The following CACNA1E variants were observed in gnomAD, a reference collection of about 807,000 sequenced individuals.
CACNA1E encodes the protein voltage-dependent R-type calcium channel subunit alpha-1E.
In CACNA1E, 40 loss-of-function variants were observed where a neutral mutation model predicts 259.2. That is an observed-to-expected ratio of 0.15 (90% CI 0.12 to 0.20). The LOEUF is 0.20. CACNA1E is among the 10% of genes least tolerant of loss of function. The pLI, the probability that CACNA1E is intolerant of heterozygous loss-of-function variation, is 1.00. For missense variants in CACNA1E, 1,874 were observed against 3,040.1 expected, an observed-to-expected ratio of 0.62 and a Z score of 9.02; for synonymous variants, 1,104 against 1,138.5, an observed-to-expected ratio of 0.97 and a Z score of 0.61.
rs547707230 is a variant in CACNA1E, at chr1:181,347,518, C to T, written c.-15+29395C>T. ...AGCTCTTGCCCAAAGAGCATCAGGG[C>T]CCCCTCCCTCCATCTCCACCCTGAA... On this transcript the variant is annotated intron_variant, in intron 1 of 11. Transcript: ENST00000524607. 1.2e-3 allele frequency among the ~76,000 whole-genome samples: 188 copies of T among 152,280 alleles called. 1 individual carries two copies. The highest frequency in any genetic ancestry group is 4.3e-3 in the African/African-American group (180 of 41,554).
rs1351835171 is a variant in CACNA1E at position 181,717,178 on chromosome 1, C to T, written c.1401C>T (p.Ile467=). The T allele has an allele frequency of 1.9e-6, 3 of 1,613,998 alleles. No individual in the cohort carries two copies. Among genetic ancestry groups the T allele is most frequent in the Non-Finnish European group, 2.5e-6 (3 of 1,179,838 alleles). ...YFRHKERLLR[I]SIRHMVKSQV... is the part of the protein sequence containing the mutation. The stretch of plus-strand genomic sequence containing the variant: ...GGCACAAGGAAAGGCTTCTGCGCAT[C>T]TCCATTCGCCACATGGTTAAATCCC... The change falls in exon 11 of 48, where the codon ATC becomes ATT. Residue 467 remains isoleucine, a synonymous_variant. Coordinates refer to ENST00000367573, the MANE Select transcript of CACNA1E (RefSeq NM_001205293.3).
chr1:181,771,411 T>C lies in CACNA1E; in HGVS notation c.4973+27T>C, dbSNP rs752889875. 5 of 1,264,102 alleles carry C rather than the reference T, an allele frequency of 4.0e-6. No individual in the cohort carries two copies. In the South Asian group the frequency reaches 6.3e-5, roughly 16 times the overall value. 78.3% of individuals were successfully genotyped at this position (1,264,102 alleles called of 1,614,324 possible). ...TACCTGGATGCGTAACTGTCATAGCTGGGGTTCTCCTGATGGAGGGAGAGA... is the reference window on the plus strand; with the variant it reads ...TACCTGGATGCGTAACTGTCATAGCCGGGGTTCTCCTGATGGAGGGAGAGA... On this transcript the variant is annotated intron_variant, in intron 36 of 47. Coordinates refer to ENST00000367573, the MANE Select transcript of CACNA1E (RefSeq NM_001205293.3).
chr1:181,346,469 T>TC (rs1652601982), intron 1 of CACNA1E, among the ~76,000 whole-genome samples: 2 of 152,192 alleles, frequency 1.3e-5, no homozygotes, highest in South Asian at 2.1e-4. Flanking sequence ...GAGAAGGCCA[T>TC]CAGTGGACGC....
chr1:181,773,561 A>T (rs1659712067), intron 37 of CACNA1E, among the ~76,000 whole-genome samples: 1 of 152,204 alleles, frequency 6.6e-6, no homozygotes, highest in African/African-American at 2.4e-5. Context: ...GAAATTTAGA[A>T]TAATGCTATT....
At chr1:181,491,141 G>C (rs1664281322) in intron 1 of CACNA1E, among the ~76,000 whole-genome samples, 1 of 152,200 alleles carries the variant, frequency 6.6e-6, no homozygotes. Flanking sequence ...CTAACGTCCT[G>C]GCAATTTCCA....
At chr1:181,555,200 T>G (rs915839908) in intron 3 of CACNA1E, among the ~76,000 whole-genome samples, 1 of 152,202 alleles carries the variant, frequency 6.6e-6, no homozygotes, top group Admixed American at 6.5e-5. Context: ...TAAAAAATAT[T>G]CATAAGACAC....
intron 1 of CACNA1E, among the ~76,000 whole-genome samples, chr1:181,349,903 T>C (rs974808269): frequency 6.6e-6 from 1 of 152,184 alleles, no homozygotes; most frequent in Non-Finnish European, 1.5e-5. Flanking sequence ...GTCACTGTCT[T>C]CTCTGCACTC....
intron 6 of CACNA1E, among the ~76,000 whole-genome samples, chr1:181,621,580 T>C (rs1001769608): frequency 1.3e-5 from 2 of 152,274 alleles, no homozygotes; most frequent in Admixed American, 1.3e-4. Flanking sequence ...ATAAAACACA[T>C]ATCCACATTG....
chr1:181,474,601 T>G (rs1662724019), intron 2 of CACNA1E, among the ~76,000 whole-genome samples: 1 of 152,220 alleles, frequency 6.6e-6, no homozygotes. Flanking sequence ...ATGTAATTCT[T>G]CATAAGAGAA....
chr1:181,589,346 G>C (rs533288199), intron 6 of CACNA1E, among the ~76,000 whole-genome samples: 2 of 152,180 alleles, frequency 1.3e-5, no homozygotes, highest in Non-Finnish European at 1.5e-5. Context: ...GAGGTCATGC[G>C]TTATTCAATG....
chr1:181,472,549 A>ATCTGGAG (rs199789218), intron 2 of CACNA1E, among the ~76,000 whole-genome samples: 2 of 152,152 alleles, frequency 1.3e-5, no homozygotes, highest in African/African-American at 4.8e-5. Flanking sequence ...CATCACCTAT[A>ATCTGGAG]ATGCCTGGTA....
chr1:181,319,797 G>C (rs1420593518), intron 1 of CACNA1E, among the ~76,000 whole-genome samples: 1 of 152,228 alleles, frequency 6.6e-6, no homozygotes, highest in East Asian at 1.9e-4. Context: ...GAGGCAACAT[G>C]TGTTGGTTTC....
intron 1 of CACNA1E, among the ~76,000 whole-genome samples, chr1:181,338,429 C>T (rs966462220): frequency 4.0e-5 from 6 of 151,532 alleles, no homozygotes; most frequent in African/African-American, 1.2e-4. Context: ...TTAGTGATGT[C>T]GAGCACCTTT....
intron 2 of CACNA1E, among the ~76,000 whole-genome samples, chr1:181,448,591 G>A (rs570233950): frequency 5.3e-5 from 8 of 152,322 alleles, no homozygotes; most frequent in East Asian, 1.9e-4. Context: ...TGAGTTTGAC[G>A]TAGATAGATT....
chr1:181,776,603 T>A lies in CACNA1E; in HGVS notation c.5267+375T>A, dbSNP rs1659997552. The stretch of plus-strand genomic sequence containing the variant: ...AAGGGTTTTTGGCCAGCTGGACATC[T>A]GGCCACCATGATCAGTGACTGTGTT... On this transcript the variant is annotated intron_variant, in intron 38 of 47. Transcript: ENST00000367573. This position sits in a 1 kb window ranked among gnomAD's most constrained non-coding sequence, Gnocchi z 4.4. 6.6e-6 allele frequency among the ~76,000 whole-genome samples: 1 copy of A among 152,274 alleles called. No homozygotes were observed. The highest frequency in any genetic ancestry group is 1.5e-5 in the Non-Finnish European group (1 of 68,046).
At chr1:181,549,713 G>A (rs140757803) in intron 3 of CACNA1E, among the ~76,000 whole-genome samples, 218 of 152,296 alleles carry the variant, frequency 1.4e-3, no homozygotes, top group Non-Finnish European at 1.9e-3. Context: ...GAGGTTGTCA[G>A]CAGTGGGGTG....
intron 25 of CACNA1E, among the ~76,000 whole-genome samples, chr1:181,746,977 A>G (rs1159032137): frequency 6.6e-6 from 1 of 152,216 alleles, no homozygotes; most frequent in African/African-American, 2.4e-5. Context: ...AATAAGGTAA[A>G]ATGTATTTAA....
chr1:181,772,303 C>T (rs1659586435), intron 37 of CACNA1E, 72 bp downstream of exon 37: 1 of 1,465,486 alleles, frequency 6.8e-7, no homozygotes, highest in African/African-American at 1.4e-5. Context: ...GATACATAGA[C>T]CGGAGATGTT....
chr1:181,691,198 A>G (rs1270925675), intron 7 of CACNA1E, among the ~76,000 whole-genome samples: 4 of 151,664 alleles, frequency 2.6e-5, no homozygotes, highest in Non-Finnish European at 5.9e-5. Context: ...TTAAAAATAT[A>G]TATGTGTATA....
Sources: gnomAD v4.1 joint callset for allele counts (sites outside exome capture counted in the v4.1 genomes callset) on GRCh38, gnomAD v4.1.1 for gene constraint, Gnocchi (gnomAD v3.1) non-coding constraint, MANE v1.5 for transcripts, NCBI Gene and HGNC (gene_info 2026-07-23, HGNC 2026-07-21) for gene names.